Variants in HPSE2 observed in about 807,000 individuals in gnomAD.
HPSE2 encodes heparanase 2 (inactive), also known as inactive heparanase-2.
Under a neutral mutation model 60.5 loss-of-function variants are expected in HPSE2, and 38 were observed. The observed-to-expected ratio is 0.63, with a 90% CI of 0.48 to 0.82. The LOEUF (loss-of-function observed/expected upper bound fraction) is 0.82. Among genes scored for constraint, HPSE2 ranks in the 40% least tolerant of loss-of-function variants. The probability of loss-of-function intolerance (pLI) is 0.00; values close to 1 mark genes in which losing one functional copy is unlikely to be tolerated. For missense variants in HPSE2, 713 were observed against 740.4 expected, an observed-to-expected ratio of 0.96 and a Z score of 0.43; for synonymous variants, 295 against 293.2, an observed-to-expected ratio of 1.01 and a Z score of -0.06.
chr10:98,708,510 A>AT lies in HPSE2; in HGVS notation c.956+13146dup, dbSNP rs543443420. Among the ~76,000 whole-genome samples the AT allele has an allele frequency of 2.2e-3, 330 of 152,124 alleles. 1 individual carries two copies. The highest frequency in any genetic ancestry group is 7.5e-3 in the African/African-American group (310 of 41,528). ...TTAATATTTTTAGACAAATTATATT[A>AT]TTTTTTAACCGTAGTGGTATATTGA... On this transcript the variant is annotated intron_variant, in intron 5 of 11. Coordinates refer to ENST00000370552, the MANE Select transcript of HPSE2 (RefSeq NM_021828.5).
At chr10:99,022,245 G>T (rs576542129) in intron 3 of HPSE2, among the ~76,000 whole-genome samples, 1 of 152,070 alleles carries the variant, frequency 6.6e-6, no homozygotes, top group Non-Finnish European at 1.5e-5. Flanking sequence ...TGATAAAGAA[G>T]AAAAGAAAAC....
At chr10:99,262,168 G>A in the HPSE2 span, among the ~76,000 whole-genome samples, 1 of 152,032 alleles carries the variant, frequency 6.6e-6, no homozygotes, top group Non-Finnish European at 1.5e-5. Flanking sequence ...CAATATGGAG[G>A]CTACCCACTC....
intron 3 of HPSE2, among the ~76,000 whole-genome samples, chr10:98,972,616 G>C (rs892184579): frequency 2.6e-5 from 4 of 152,042 alleles, no homozygotes; most frequent in Non-Finnish European, 4.4e-5. Flanking sequence ...GCTCCCTCAG[G>C]CTGTTTATCT....
intron 3 of HPSE2, among the ~76,000 whole-genome samples, chr10:98,856,498 G>A (rs1952318657): frequency 6.6e-6 from 1 of 152,078 alleles, no homozygotes; most frequent in African/African-American, 2.4e-5. Context: ...GGAAAAAAAT[G>A]CATTACATAG....
intron 2 of HPSE2, among the ~76,000 whole-genome samples, chr10:99,208,567 TC>T (rs1848841594): frequency 6.6e-6 from 1 of 151,960 alleles, no homozygotes; most frequent in Non-Finnish European, 1.5e-5. Context: ...ATGCCTATAG[TC>T]CCAACTATGT....
At chr10:98,694,666 T>A (rs935261879) in intron 5 of HPSE2, among the ~76,000 whole-genome samples, 3 of 152,162 alleles carry the variant, frequency 2.0e-5, no homozygotes, top group African/African-American at 7.2e-5. Context: ...GGAAAATCAA[T>A]AGGCCAAGAA....
Position 98,936,115 on chromosome 10 carries a change from C to G in HPSE2, c.611-192059G>C, listed in dbSNP as rs746839494. 7.6e-5 allele frequency among the ~76,000 whole-genome samples: 11 copies of G among 144,530 alleles called. 2 individuals carry two copies. The highest frequency in any genetic ancestry group is 1.6e-4 in the Non-Finnish European group (11 of 67,234). The allele number at this position is 144,530 out of a possible 152,430, so 94.8% of individuals were successfully genotyped here. A position where few individuals can be genotyped will look rare whatever the true frequency, so the allele number is the denominator to read the frequency against. On this transcript the variant is annotated intron_variant, in intron 3 of 11. Transcript: ENST00000370552. ...CTTAGCCCTCTCAGGGGAAAACTGC[C>G]TACTAAAGCCACAGTAATGGTAGTT...
chr10:98,644,484 T>C (rs1253906822), intron 6 of HPSE2, among the ~76,000 whole-genome samples: 1 of 152,106 alleles, frequency 6.6e-6, no homozygotes. Context: ...GAGGCAGGGA[T>C]GGAGATGGCT....
chr10:98,718,731 T>C (rs1269712405), intron 5 of HPSE2, among the ~76,000 whole-genome samples: 1 of 151,572 alleles, frequency 6.6e-6, no homozygotes, highest in Non-Finnish European at 1.5e-5. Flanking sequence ...TAGGAGCAAA[T>C]GAAAAAGTGG....
At chr10:99,301,608 G>A in the HPSE2 span, among the ~76,000 whole-genome samples, 1 of 152,112 alleles carries the variant, frequency 6.6e-6, no homozygotes, top group Non-Finnish European at 1.5e-5. Context: ...TGTGAAAATG[G>A]ACTAACACAG....
At chr10:99,201,684 CTT>C (rs1038502280) in intron 2 of HPSE2, among the ~76,000 whole-genome samples, 3 of 152,180 alleles carry the variant, frequency 2.0e-5, no homozygotes, top group African/African-American at 7.2e-5. Flanking sequence ...ACATTAGGCA[CTT>C]TGTGAAACAC....
intron 3 of HPSE2, among the ~76,000 whole-genome samples, chr10:99,100,564 C>T (rs371353863): frequency 6.6e-6 from 1 of 152,198 alleles, no homozygotes; most frequent in Non-Finnish European, 1.5e-5. Context: ...TTGGAAAACA[C>T]TCTGCAGGAT....
At position 98,938,656 on chromosome 10, in the gene HPSE2, C is replaced by A. The variant is rs531493092; in HGVS notation, c.611-194600G>T. On this transcript the variant is annotated intron_variant, in intron 3 of 11. Transcript: ENST00000370552. ...GGAGAATGCAACCAAGTTGGAAAAC[C>A]CTCTGCAGGATATTGTCCAGGAGAA... is the stretch of plus-strand genomic sequence containing the variant. Among the ~76,000 whole-genome samples, 644 of 143,694 alleles carry A rather than the reference C, an allele frequency of 4.5e-3. 112 individuals are homozygous for A. The highest frequency in any genetic ancestry group is 0.012 in the African/African-American group (429 of 35,360). 94.3% of individuals were successfully genotyped at this position (143,694 alleles called of 152,430 possible).
At chr10:98,465,002 T>C (rs967975457) in intron 11 of HPSE2, among the ~76,000 whole-genome samples, 12 of 152,366 alleles carry the variant, frequency 7.9e-5, no homozygotes, top group African/African-American at 2.4e-4. Flanking sequence ...ATTTTGTGAA[T>C]AAGGTTTTGT....
chr10:99,293,519 C>T, the HPSE2 span, among the ~76,000 whole-genome samples: 1 of 152,118 alleles, frequency 6.6e-6, no homozygotes, highest in African/African-American at 2.4e-5. Flanking sequence ...TCTAGGATAA[C>T]TTTTACAGAA....
At chr10:98,491,328 CCT>C (rs1465703562) in intron 9 of HPSE2, among the ~76,000 whole-genome samples, 11 of 152,024 alleles carry the variant, frequency 7.2e-5, no homozygotes, top group Admixed American at 7.2e-4. Context: ...CCAAATCTGC[CCT>C]GAGTAGTGTG....
At chr10:98,504,079 A>T (rs1459721311) in intron 9 of HPSE2, among the ~76,000 whole-genome samples, 2 of 152,224 alleles carry the variant, frequency 1.3e-5, no homozygotes, top group Non-Finnish European at 1.5e-5. Flanking sequence ...AAATAAATAA[A>T]TAAATATAGC....
intron 9 of HPSE2, among the ~76,000 whole-genome samples, chr10:98,493,992 C>T (rs1049938626): frequency 6.6e-6 from 1 of 152,148 alleles, no homozygotes; most frequent in Non-Finnish European, 1.5e-5. Context: ...TTACATTTAA[C>T]ATCCTAATTA....
chr10:99,232,538 C>T (rs1849691677), intron 1 of HPSE2, 33 bp from the exon 2 acceptor site: 1 of 1,549,314 alleles, frequency 6.5e-7, no homozygotes, highest in Non-Finnish European at 8.7e-7. Context: ...AGGAAAGGTT[C>T]CCAGGACAGG....
Sources: allele counts gnomAD v4.1 joint callset (sites outside exome capture counted in the v4.1 genomes callset), GRCh38; gene constraint gnomAD v4.1.1; transcripts MANE v1.5; gene names NCBI Gene and HGNC (gene_info 2026-07-23, HGNC 2026-07-21).